The following STX8 variants were observed in gnomAD, a reference collection of about 807,000 sequenced individuals.
The protein encoded by STX8 is syntaxin 8.
In STX8, 23 loss-of-function variants were observed where a neutral mutation model predicts 37.5. The ratio of observed to expected loss-of-function variants is 0.61; its 90% CI spans 0.44 to 0.87. The LOEUF is 0.87. STX8 is among the 40% of genes least tolerant of loss of function. The pLI is 0.00. For synonymous variants in STX8, 115 were observed against 99.1 expected (o/e 1.16, Z -0.95); for missense variants, 313 against 284.7 (o/e 1.10, Z -0.71).
chr17:9,287,757 T>C (rs1341955285), intron 7 of STX8, among the ~76,000 whole-genome samples: 1 of 150,842 alleles, frequency 6.6e-6, no homozygotes, highest in Non-Finnish European at 1.5e-5. Flanking sequence ...TTTACATTCT[T>C]TTTTTTTTGT....
chr17:9,546,078 A>T (rs1057480462), intron 3 of STX8, among the ~76,000 whole-genome samples: 2 of 152,198 alleles, frequency 1.3e-5, no homozygotes, highest in African/African-American at 2.4e-5. Context: ...TTCCATGTTA[A>T]TATCTATTAA....
chr17:9,505,214 G>A, intron 4 of STX8, 52 bp from the exon 5 acceptor site: 1 of 1,565,340 alleles, frequency 6.4e-7, no homozygotes. Flanking sequence ...CAGCTCAAAT[G>A]CAAATTACTC....
intron 6 of STX8, among the ~76,000 whole-genome samples, chr17:9,439,897 T>C (rs1416659285): frequency 6.6e-6 from 1 of 152,042 alleles, no homozygotes; most frequent in African/African-American, 2.4e-5. Context: ...CACATTACCA[T>C]TTTTTCCTTT....
chr17:9,375,441 G>C (rs556169507), intron 7 of STX8, among the ~76,000 whole-genome samples: 2 of 152,306 alleles, frequency 1.3e-5, no homozygotes, highest in South Asian at 4.2e-4. Flanking sequence ...GACTTCATGA[G>C]TGGCATGTGC....
At chr17:9,333,875 C>T (rs1466918531) in intron 7 of STX8, among the ~76,000 whole-genome samples, 1 of 152,172 alleles carries the variant, frequency 6.6e-6, no homozygotes, top group Non-Finnish European at 1.5e-5. Flanking sequence ...GTGGGTTCAC[C>T]TTACCTGCTG....
At chr17:9,532,407 A>G (rs989982604) in intron 4 of STX8, among the ~76,000 whole-genome samples, 3 of 152,148 alleles carry the variant, frequency 2.0e-5, no homozygotes, top group Admixed American at 6.6e-5. Flanking sequence ...TTTTTTTAAA[A>G]AACACAAACA....
intron 7 of STX8, among the ~76,000 whole-genome samples, chr17:9,330,430 C>G (rs1457019352): frequency 6.6e-6 from 1 of 152,028 alleles, no homozygotes; most frequent in African/African-American, 2.4e-5. Context: ...ACTCCCACCC[C>G]CCAACCCGGT....
At chr17:9,374,574 G>A (rs555685152) in intron 7 of STX8, among the ~76,000 whole-genome samples, 10 of 152,162 alleles carry the variant, frequency 6.6e-5, no homozygotes, top group Non-Finnish European at 1.3e-4. Flanking sequence ...GACCTTCATC[G>A]ACATGCAAAA....
chr17:9,380,264 T>TG (rs1308857823), intron 6 of STX8, among the ~76,000 whole-genome samples: 8 of 147,000 alleles, frequency 5.4e-5, no homozygotes, highest in African/African-American at 2.0e-4. Context: ...GTTTTTTTTT[T>TG]TTTTTTTTTT....
chr17:9,258,095 A>G (rs72814133), intron 7 of STX8, among the ~76,000 whole-genome samples: 6,793 of 152,344 alleles, frequency 0.045, 216 homozygotes, highest in South Asian at 0.09. Context: ...AAACTTAAAG[A>G]TGAACAGAGG....
chr17:9,351,030 T>C (rs2142245110), intron 7 of STX8, among the ~76,000 whole-genome samples: 1 of 152,278 alleles, frequency 6.6e-6, no homozygotes, highest in East Asian at 1.9e-4. Context: ...TCTCCAACTG[T>C]TTATGTTGAA....
At chr17:9,472,443 AC>A (rs1421438364) in intron 6 of STX8, among the ~76,000 whole-genome samples, 1 of 151,770 alleles carries the variant, frequency 6.6e-6, no homozygotes, top group Non-Finnish European at 1.5e-5. Flanking sequence ...TGTCTTGGGG[AC>A]CCCCACCGTA....
chr17:9,301,738 C>T (rs532989537), intron 7 of STX8, among the ~76,000 whole-genome samples: 1 of 152,042 alleles, frequency 6.6e-6, no homozygotes, highest in East Asian at 1.9e-4. Context: ...ATCCGTCCGT[C>T]TCGGCCTCCC....
intron 6 of STX8, among the ~76,000 whole-genome samples, chr17:9,392,394 G>A (rs1256111314): frequency 6.6e-6 from 1 of 152,182 alleles, no homozygotes. Flanking sequence ...GATTGTTTGA[G>A]CCCAGGAGTT....
At chr17:9,359,503 A>AT (rs145808683) in intron 7 of STX8, among the ~76,000 whole-genome samples, 4,905 of 91,562 alleles carry the variant, frequency 0.054, 125 homozygotes, top group East Asian at 0.1. Flanking sequence ...GCTGAGACAT[A>AT]TTTTTTTTTT....
intron 6 of STX8, among the ~76,000 whole-genome samples, chr17:9,412,363 T>C (rs1913012703): frequency 6.6e-6 from 1 of 151,612 alleles, no homozygotes; most frequent in South Asian, 2.1e-4. Flanking sequence ...CACTGCAACC[T>C]CTGTCTCCCA....
chr17:9,547,743 C>A (rs1906598517), intron 3 of STX8, among the ~76,000 whole-genome samples: 1 of 151,366 alleles, frequency 6.6e-6, no homozygotes, highest in Non-Finnish European at 1.5e-5. Flanking sequence ...GGACAAGGAA[C>A]CAGACACTCT....
chr17:9,386,504 G>C (rs1193041558), intron 6 of STX8, among the ~76,000 whole-genome samples: 1 of 152,104 alleles, frequency 6.6e-6, no homozygotes, highest in Non-Finnish European at 1.5e-5. Context: ...AATGGGTACA[G>C]CTGTCAAAAC....
intron 6 of STX8, among the ~76,000 whole-genome samples, chr17:9,393,401 C>T (rs568671782): frequency 3.0e-4 from 45 of 152,156 alleles, no homozygotes; most frequent in African/African-American, 6.0e-4. Flanking sequence ...AAACCTGAAA[C>T]GAAGGATGAA....
Sources: gnomAD v4.1 joint callset for allele counts (sites outside exome capture counted in the v4.1 genomes callset) on GRCh38, gnomAD v4.1.1 for gene constraint, MANE v1.5 for transcripts, NCBI Gene and HGNC (gene_info 2026-07-23, HGNC 2026-07-21) for gene names.